LEMD3: variants seen among roughly 807,000 people sequenced by gnomAD.
LEMD3 encodes the protein inner nuclear membrane protein Man1.
In LEMD3, 33 loss-of-function variants were observed where a neutral mutation model predicts 95.2. That is an observed-to-expected ratio of 0.35 (90% CI 0.26 to 0.46). The LOEUF (loss-of-function observed/expected upper bound fraction) is 0.46, where lower values mean the gene tolerates loss of function less well. LEMD3 is among the 20% of genes least tolerant of loss of function. The pLI is 1.00. For synonymous variants in LEMD3, 525 were observed against 474.6 expected, an observed-to-expected ratio of 1.11 and a Z score of -1.38; for missense variants, 1,210 against 1,192.8, an observed-to-expected ratio of 1.01 and a Z score of -0.21.
chr12:65,180,603 A>G (rs1159825560), intron 1 of LEMD3, among the ~76,000 whole-genome samples: 4 of 152,254 alleles, frequency 2.6e-5, no homozygotes, highest in African/African-American at 4.8e-5. Context: ...ATTACTTTTC[A>G]TATGTCTTCA....
intron 10 of LEMD3, among the ~76,000 whole-genome samples, chr12:65,244,675 C>T (rs771776529): frequency 6.6e-6 from 1 of 152,130 alleles, no homozygotes; most frequent in Non-Finnish European, 1.5e-5. Flanking sequence ...CGGCTGGGCA[C>T]AGTGGCTCAC....
intron 1 of LEMD3, among the ~76,000 whole-genome samples, chr12:65,183,041 G>A (rs1454763796): frequency 6.6e-6 from 1 of 152,114 alleles, no homozygotes; most frequent in African/African-American, 2.4e-5. Flanking sequence ...TAAGTCATAC[G>A]AAGCACATAA....
chr12:65,182,729 T>G (rs1434167094), intron 1 of LEMD3, among the ~76,000 whole-genome samples: 1 of 152,198 alleles, frequency 6.6e-6, no homozygotes, highest in Non-Finnish European at 1.5e-5. Context: ...GTAAATGGGT[T>G]ACATTGCTTT....
intron 2 of LEMD3, among the ~76,000 whole-genome samples, chr12:65,212,587 A>G (rs962847151): frequency 1.3e-5 from 2 of 151,752 alleles, no homozygotes; most frequent in Non-Finnish European, 2.9e-5. Flanking sequence ...CTGAGGATTG[A>G]GGAGGGAAAT....
At position 65,247,340 on chromosome 12, in the gene LEMD3, T is replaced by C. The variant is rs1345575875; in HGVS notation, c.*1015T>C. 1 of 152,530 alleles carries C rather than the reference T, an allele frequency of 6.6e-6. No homozygotes were observed. The highest frequency in any genetic ancestry group is 1.9e-4 in the East Asian group (1 of 5,194). The allele number at this position is 152,530 out of a possible 1,614,324, so 9.4% of individuals were successfully genotyped here. ...CATTGGGGTTAAGTCATTTTCCCAA[T>C]CTATTTATAATTTAATGATATGTTA... On this transcript the variant is annotated 3_prime_UTR_variant, in exon 13 of 13. Coordinates refer to ENST00000308330, the MANE Select transcript of LEMD3 (RefSeq NM_014319.5).
At chr12:65,173,593 G>A (rs1868622431) in intron 1 of LEMD3, among the ~76,000 whole-genome samples, 1 of 152,034 alleles carries the variant, frequency 6.6e-6, no homozygotes, top group Admixed American at 6.6e-5. Context: ...TGTTTGTGAG[G>A]GTCAGGTGAG....
At chr12:65,192,191 A>G (rs906125199) in intron 1 of LEMD3, among the ~76,000 whole-genome samples, 4 of 152,086 alleles carry the variant, frequency 2.6e-5, no homozygotes, top group Admixed American at 6.6e-5. Context: ...GAACAGACCA[A>G]TACTTCAAGA....
chr12:65,193,866 G>C (rs1411619755), intron 1 of LEMD3, among the ~76,000 whole-genome samples: 51 of 151,694 alleles, frequency 3.4e-4, no homozygotes, highest in Non-Finnish European at 1.0e-4. Flanking sequence ...ACTTTCACTT[G>C]CACATTTGTT....
chr12:65,192,236 G>T (rs1237141947), intron 1 of LEMD3, among the ~76,000 whole-genome samples: 5 of 152,084 alleles, frequency 3.3e-5, no homozygotes, highest in African/African-American at 1.2e-4. Context: ...GATATTAAGG[G>T]TCATCATTTT....
intron 1 of LEMD3, among the ~76,000 whole-genome samples, chr12:65,190,479 G>T (rs1050346047): frequency 6.6e-6 from 1 of 152,058 alleles, no homozygotes; most frequent in Admixed American, 6.6e-5. Flanking sequence ...TAAAAACCTA[G>T]GTCTCTGCAA....
chr12:65,245,098 G>A (rs1470647854), intron 10 of LEMD3, among the ~76,000 whole-genome samples: 1 of 151,792 alleles, frequency 6.6e-6, no homozygotes, highest in Non-Finnish European at 1.5e-5. Flanking sequence ...CTGCAGCGGT[G>A]GGCTAGTCTT....
intron 1 of LEMD3, among the ~76,000 whole-genome samples, chr12:65,201,681 T>C (rs1053662940): frequency 2.6e-5 from 4 of 152,286 alleles, no homozygotes; most frequent in Non-Finnish European, 4.4e-5. Flanking sequence ...GAGTTTTTTT[T>C]GATCAGTTCT....
At chr12:65,198,395 A>T (rs541909546) in intron 1 of LEMD3, among the ~76,000 whole-genome samples, 1 of 152,252 alleles carries the variant, frequency 6.6e-6, no homozygotes, top group Middle Eastern at 3.4e-3. Flanking sequence ...GTCACCATGC[A>T]GTAGGCAGTA....
intron 1 of LEMD3, among the ~76,000 whole-genome samples, chr12:65,198,345 A>G (rs1869495349): frequency 6.6e-6 from 1 of 152,146 alleles, no homozygotes; most frequent in Admixed American, 6.6e-5. Flanking sequence ...TTTGTATCTA[A>G]CCTTTACAAG....
intron 1 of LEMD3, among the ~76,000 whole-genome samples, chr12:65,187,502 C>A (rs550299360): frequency 6.6e-6 from 1 of 151,988 alleles, no homozygotes; most frequent in East Asian, 1.9e-4. Flanking sequence ...CTGACTCCCA[C>A]TATGGGATCT....
rs547377199 is a variant in LEMD3, at chr12:65,229,298, A to C, written c.1696-9204A>C. ...TTTCTTTATTCATCTGTTAATGAGCACTTAGGTTGATTCCATATTATTGTT... is the reference window on the plus strand; with the variant it reads ...TTTCTTTATTCATCTGTTAATGAGCCCTTAGGTTGATTCCATATTATTGTT... On this transcript the variant is annotated intron_variant, in intron 4 of 12. Transcript: ENST00000308330. 5.9e-5 allele frequency among the ~76,000 whole-genome samples: 9 copies of C among 152,282 alleles called. No individual in the cohort carries two copies. In the South Asian group the frequency reaches 1.9e-3, roughly 32 times the overall value.
chr12:65,189,639 A>T (rs182512366), intron 1 of LEMD3, among the ~76,000 whole-genome samples: 100 of 152,252 alleles, frequency 6.6e-4, no homozygotes, highest in African/African-American at 2.0e-3. Context: ...CTGAAACATA[A>T]TTTTTCTCTC....
intron 4 of LEMD3, among the ~76,000 whole-genome samples, chr12:65,232,870 T>C (rs1870670221): frequency 6.6e-6 from 1 of 152,162 alleles, no homozygotes. Flanking sequence ...AATGAATATG[T>C]TTAAGATTTG....
At chr12:65,180,273 A>T (rs1025016279) in intron 1 of LEMD3, among the ~76,000 whole-genome samples, 2 of 151,798 alleles carry the variant, frequency 1.3e-5, no homozygotes, top group Non-Finnish European at 2.9e-5. Context: ...GTGAACCAGT[A>T]ACAGTATAGT....
Sources: allele counts gnomAD v4.1 joint callset (sites outside exome capture counted in the v4.1 genomes callset), GRCh38; gene constraint gnomAD v4.1.1; transcripts MANE v1.5; gene names NCBI Gene and HGNC (gene_info 2026-07-23, HGNC 2026-07-21).